Variants in TMEM165 observed in about 807,000 individuals in gnomAD.
The protein encoded by TMEM165 is transmembrane protein 165.
TMEM165 carries 19 observed loss-of-function variants against 30.0 expected under a neutral mutation model. The observed-to-expected ratio is 0.63, with a 90% CI of 0.44 to 0.93. The LOEUF (loss-of-function observed/expected upper bound fraction) is 0.93, where lower values mean the gene tolerates loss of function less well. TMEM165 is among the 40% of genes least tolerant of loss of function. The probability of loss-of-function intolerance (pLI) is 0.00; values close to 1 mark genes in which losing one functional copy is unlikely to be tolerated. For synonymous variants in TMEM165, 168 were observed against 162.9 expected (o/e 1.03, Z -0.24); for missense variants, 340 against 417.0 (o/e 0.82, Z 1.61).
At chr4:55,411,398 C>T (rs1161810280) in intron 1 of TMEM165, among the ~76,000 whole-genome samples, 1 of 152,128 alleles carries the variant, frequency 6.6e-6, no homozygotes, top group Non-Finnish European at 1.5e-5. Flanking sequence ...ATTCCAACTA[C>T]TTCTGGTCCC....
At chr4:55,417,745 G>A (rs1347573659) in intron 3 of TMEM165, 58 bp from the exon 4 acceptor site, 104 of 1,340,144 alleles carry the variant, frequency 7.8e-5, no homozygotes, top group Non-Finnish European at 9.9e-5. Flanking sequence ...CAAGTGATTT[G>A]TGTGCTATTT....
chr4:55,448,601 C>CGCGCGCGTGT (rs764071880), intron 3 of TMEM165, among the ~76,000 whole-genome samples: 53 of 117,032 alleles, frequency 4.5e-4, no homozygotes, highest in East Asian at 1.5e-3. Context: ...CGCACGCGCG[C>CGCGCGCGTGT]GTGTGTGTGT....
At chr4:55,430,723 C>G (rs531668311), downstream of TMEM165, 1 of 152,264 alleles carries the variant, frequency 6.6e-6, no homozygotes, top group South Asian at 2.1e-4. Flanking sequence ...TTATTATATT[C>G]TAAAATGTTA....
At chr4:55,418,211 T>C in intron 4 of TMEM165, 1 of 412,710 alleles carries the variant, frequency 2.4e-6, no homozygotes, top group Non-Finnish European at 4.2e-6. Context: ...TTACTCATCC[T>C]TTTCCCTTTG....
downstream of TMEM165, chr4:55,428,295 T>C (rs1411930430): frequency 1.3e-5 from 2 of 152,172 alleles, no homozygotes; most frequent in Non-Finnish European, 2.9e-5. Flanking sequence ...AAGGATAGCT[T>C]TGAAAAACAA....
chr4:55,420,145 A>ATAT (rs1721914419), intron 4 of TMEM165, among the ~76,000 whole-genome samples: 1 of 51,320 alleles, frequency 1.9e-5, no homozygotes. Context: ...TTATTTATTT[A>ATAT]TTTTATTTAT....
At chr4:55,410,894 A>G (rs908933812) in intron 1 of TMEM165, among the ~76,000 whole-genome samples, 4 of 152,082 alleles carry the variant, frequency 2.6e-5, no homozygotes, top group African/African-American at 9.7e-5. Context: ...GCACTTTGGG[A>G]GGCTGAGGTG....
Position 55,396,035 on chromosome 4 carries a change from C to T in TMEM165, c.-155C>T. ...CTTCGGCCTGCCCCTCACCTCACTC[C>T]CGCTGCTTGCACCTCCCGGATGGTG... On this transcript the variant is annotated 5_prime_UTR_variant, in exon 1 of 6. Transcript: ENST00000381334. 1 of 522,292 alleles carries T rather than the reference C, an allele frequency of 1.9e-6. No individual in the cohort carries two copies. 32.4% of individuals were successfully genotyped at this position (522,292 alleles called of 1,614,324 possible). A position where few individuals can be genotyped will look rare whatever the true frequency, so the allele number is the denominator to read the frequency against.
intron 3 of TMEM165, chr4:55,442,186 G>A (rs992588004): frequency 1.2e-5 from 6 of 488,672 alleles, no homozygotes; most frequent in Non-Finnish European, 2.2e-5. Context: ...GTGTGCTGCA[G>A]AATTTGTATT....
intron 4 of TMEM165, chr4:55,418,191 T>A: frequency 2.1e-6 from 1 of 465,644 alleles, no homozygotes; most frequent in Non-Finnish European, 3.7e-6. Context: ...CAAGCTCAGT[T>A]GGGCTCTTTT....
At chr4:55,402,288 A>G (rs989212087) in intron 1 of TMEM165, among the ~76,000 whole-genome samples, 14 of 146,126 alleles carry the variant, frequency 9.6e-5, no homozygotes, top group Admixed American at 1.3e-4. Context: ...GTATTTAAAA[A>G]TAGTGAAACC....
chr4:55,434,125 A>G (rs1258399837), intron 3 of TMEM165: 1 of 152,636 alleles, frequency 6.6e-6, no homozygotes, highest in Non-Finnish European at 1.5e-5. Context: ...ATGCTGTTAA[A>G]AAGGTACTAA....
chr4:55,420,922 G>A (rs931898231), intron 4 of TMEM165, among the ~76,000 whole-genome samples: 2 of 152,112 alleles, frequency 1.3e-5, no homozygotes, highest in African/African-American at 4.8e-5. Context: ...CTTGGGCCAG[G>A]TGTGGTGGCT....
In TMEM165 at chr4:55,420,106, A is replaced by AAAAAAAAATATAT. The variant is rs1474254120; in HGVS notation, c.792+2122_792+2123insAAAAAAATATATA. On this transcript the variant is annotated intron_variant, in intron 4 of 5. Transcript: ENST00000381334. The stretch of plus-strand genomic sequence containing the variant: ...GTGAGACACTATCTTAAGAAAAAAA[A>AAAAAAAAATATAT]ATATATATATATATACATATATATT... 3.3e-4 allele frequency among the ~76,000 whole-genome samples: 15 copies of AAAAAAAAATATAT among 45,424 alleles called. 1 individual carries two copies. The highest frequency in any genetic ancestry group is 4.1e-4 in the Non-Finnish European group (10 of 24,254). 29.8% of individuals were successfully genotyped at this position (45,424 alleles called of 152,430 possible).
chr4:55,448,463 G>GGACCAT (rs1393286560), intron 3 of TMEM165, among the ~76,000 whole-genome samples: 1 of 152,042 alleles, frequency 6.6e-6, no homozygotes, highest in African/African-American at 2.4e-5. Flanking sequence ...TAGTATTCCT[G>GGACCAT]GACCATGCTC....
In TMEM165 at chr4:55,395,990, C is replaced by T. The variant is rs1421139144; in HGVS notation, c.-200C>T. 2 of 396,058 alleles carry T rather than the reference C, an allele frequency of 5.0e-6. No homozygotes were observed. The highest frequency in any genetic ancestry group is 9.9e-5 in the South Asian group (1 of 10,132). 24.5% of individuals were successfully genotyped at this position (396,058 alleles called of 1,614,324 possible). ...TTTAGCCGCCGCCGGAGAGGACGGG[C>T]GCCGAGCCGGGGCTGCGGACTTCGG... On this transcript the variant is annotated 5_prime_UTR_variant, in exon 1 of 6. Coordinates refer to ENST00000381334, the MANE Select transcript of TMEM165 (RefSeq NM_018475.5).
chr4:55,405,790 C>T (rs564218836), intron 1 of TMEM165, among the ~76,000 whole-genome samples: 1 of 152,292 alleles, frequency 6.6e-6, no homozygotes, highest in African/African-American at 2.4e-5. Context: ...GATAATTGGT[C>T]ACAGTGCCTT....
Position 55,424,622 on chromosome 4 carries a change from C to G in TMEM165, c.877C>G (p.Gln293Glu), listed in dbSNP as rs778746482. 2.5e-6 allele frequency: 4 copies of G among 1,610,462 alleles called. No individual in the cohort carries two copies. The highest frequency in any genetic ancestry group is 3.4e-6 in the Non-Finnish European group (4 of 1,176,648). The change falls in exon 5 of 6, where the codon CAG becomes GAG. Residue 293 changes from glutamine (Q) to glutamate (E), a missense_variant. By Grantham distance (29) the Gln-to-Glu change is conservative (BLOSUM62 2). Transcript: ENST00000381334. ...AGTAATTGGAGGAAGAATGATAGCACAGAAAATCTCTGTCAGAACTGGTAA... is the reference window on the plus strand; with the variant it reads ...AGTAATTGGAGGAAGAATGATAGCAGAGAAAATCTCTGTCAGAACTGGTAA... The part of the protein sequence containing the change: ...LAVIGGRMIA[Q>E]KISVRTVTII...
rs1188023890 is a variant in TMEM165 at position 55,417,895 on chromosome 4, A to C, written c.702A>C (p.Ser234=). The change falls in exon 4 of 6, where the codon TCA becomes TCC. Residue 234 remains serine, a synonymous_variant. Coordinates refer to ENST00000381334, the MANE Select transcript of TMEM165 (RefSeq NM_018475.5). ...VPQKKWLHFI[S]PIFVQALTLT... The stretch of plus-strand genomic sequence containing the variant: ...AGAAAAAGTGGTTGCATTTTATTTC[A>C]CCCATTTTTGTTCAAGCTCTTACAT... The C allele has an allele frequency of 6.2e-7, 1 of 1,614,018 alleles. No homozygotes were observed. The highest frequency in any genetic ancestry group is 8.5e-7 in the Non-Finnish European group (1 of 1,179,978).
Sources: allele counts gnomAD v4.1 joint callset (sites outside exome capture counted in the v4.1 genomes callset), GRCh38; gene constraint gnomAD v4.1.1; transcripts MANE v1.5; gene names NCBI Gene and HGNC (gene_info 2026-07-23, HGNC 2026-07-21).